The following PTPRD variants were observed in gnomAD, a reference collection of about 807,000 sequenced individuals.
PTPRD encodes receptor-type tyrosine-protein phosphatase delta.
PTPRD carries 34 observed loss-of-function variants against 214.5 expected under a neutral mutation model. The observed-to-expected ratio is 0.16, with a 90% confidence interval of 0.12 to 0.21. PTPRD has a LOEUF of 0.21. PTPRD is among the 10% of genes least tolerant of loss of function. The pLI is 1.00. For missense variants in PTPRD, 2,545 were observed against 2,398.7 expected (o/e 1.06, Z -1.27); for synonymous variants, 1,128 against 845.7 (o/e 1.33, Z -5.79).
In PTPRD at chr9:9,562,195, C is replaced by A. The variant is rs186166416; in HGVS notation, c.-237+12537G>T. Among the ~76,000 whole-genome samples, 4 of 152,166 alleles carry A rather than the reference C, an allele frequency of 2.6e-5. No individual in the cohort carries two copies. In the East Asian group the frequency reaches 7.7e-4, roughly 29 times the overall value. On this transcript the variant is annotated intron_variant, in intron 8 of 45. Transcript: ENST00000381196. ...GGCAGCTCCACAGTTAAGTTCTTAG[C>A]TCTCAAATCCCCAAGCCATCCTTGA...
At chr9:8,637,524 C>T (rs917726914) in intron 12 of PTPRD, among the ~76,000 whole-genome samples, 7 of 152,310 alleles carry the variant, frequency 4.6e-5, no homozygotes, top group African/African-American at 1.7e-4. Context: ...TTAAAGATTA[C>T]TAAGGCTAGC....
At chr9:9,335,449 C>T (rs539989134) in intron 9 of PTPRD, among the ~76,000 whole-genome samples, 49 of 152,152 alleles carry the variant, frequency 3.2e-4, no homozygotes, top group Non-Finnish European at 4.6e-4. Context: ...GTGTTTTTAA[C>T]GGGTAGTGTA....
chr9:8,713,894 G>GA, intron 12 of PTPRD: 1 of 893,442 alleles, frequency 1.1e-6, no homozygotes, highest in Non-Finnish European at 1.7e-6. Flanking sequence ...ACGCCCCGGT[G>GA]GAAAAAAAAA....
intron 9 of PTPRD, among the ~76,000 whole-genome samples, chr9:9,383,751 A>G (rs1408539032): frequency 6.6e-6 from 1 of 152,100 alleles, no homozygotes. Flanking sequence ...CCAAATCTCA[A>G]GTTAATATTT....
intron 11 of PTPRD, among the ~76,000 whole-genome samples, chr9:8,901,385 C>A (rs2154251725): frequency 6.6e-6 from 1 of 152,274 alleles, no homozygotes; most frequent in Non-Finnish European, 1.5e-5. Flanking sequence ...ATATGAATGA[C>A]TAGTCATAAA....
intron 7 of PTPRD, among the ~76,000 whole-genome samples, chr9:9,716,106 TG>T (rs916859537): frequency 2.6e-5 from 4 of 152,224 alleles, no homozygotes; most frequent in African/African-American, 9.6e-5. Flanking sequence ...ATGCGGTGTT[TG>T]GTTTTTTGTT....
intron 8 of PTPRD, among the ~76,000 whole-genome samples, chr9:9,474,725 C>A (rs1013594330): frequency 2.0e-5 from 3 of 151,718 alleles, no homozygotes; most frequent in Non-Finnish European, 2.9e-5. Context: ...ATCTTGATTT[C>A]TTTTTCAAAT....
chr9:10,144,689 T>G (rs1325563097), intron 3 of PTPRD, among the ~76,000 whole-genome samples: 7 of 152,110 alleles, frequency 4.6e-5, no homozygotes, highest in Admixed American at 4.6e-4. Context: ...TGTAAAGACA[T>G]GGGACTAGCT....
At chr9:9,634,529 T>A (rs1344526263) in intron 7 of PTPRD, among the ~76,000 whole-genome samples, 1 of 152,168 alleles carries the variant, frequency 6.6e-6, no homozygotes, top group Non-Finnish European at 1.5e-5. Flanking sequence ...AAAATTCACA[T>A]AATTGTTTCT....
intron 10 of PTPRD, among the ~76,000 whole-genome samples, chr9:9,164,927 C>A (rs566169668): frequency 6.6e-6 from 1 of 151,906 alleles, no homozygotes; most frequent in Non-Finnish European, 1.5e-5. Context: ...GTGGTGCACA[C>A]CTGTAATCCC....
chr9:10,271,545 T>C (rs546106306), intron 3 of PTPRD, among the ~76,000 whole-genome samples: 1 of 142,920 alleles, frequency 7.0e-6, no homozygotes, highest in Non-Finnish European at 1.5e-5. Context: ...TTTTCTTTTC[T>C]TTTCTTTTTT....
chr9:10,416,631 G>A (rs1377554016), intron 2 of PTPRD, among the ~76,000 whole-genome samples: 1 of 151,846 alleles, frequency 6.6e-6, no homozygotes, highest in African/African-American at 2.4e-5. Flanking sequence ...GAAAACAACT[G>A]TTGGTATGGC....
chr9:9,101,559 C>A (rs1306414063), intron 10 of PTPRD, among the ~76,000 whole-genome samples: 1 of 152,116 alleles, frequency 6.6e-6, no homozygotes, highest in Non-Finnish European at 1.5e-5. Context: ...TCATGACTGA[C>A]ATTTACAAAA....
intron 5 of PTPRD, among the ~76,000 whole-genome samples, chr9:9,882,294 G>T (rs1467573101): frequency 6.6e-6 from 1 of 151,968 alleles, no homozygotes; most frequent in African/African-American, 2.4e-5. Flanking sequence ...GGTTCACTAA[G>T]CACTGAGTTG....
intron 9 of PTPRD, among the ~76,000 whole-genome samples, chr9:9,396,946 T>A (rs2068077400): frequency 6.6e-6 from 1 of 152,030 alleles, no homozygotes; most frequent in Non-Finnish European, 1.5e-5. Flanking sequence ...TTAACTATAT[T>A]GTTCCAAGTT....
At chr9:8,456,520 A>T (rs1209516058) in intron 33 of PTPRD, among the ~76,000 whole-genome samples, 1 of 152,198 alleles carries the variant, frequency 6.6e-6, no homozygotes, top group African/African-American at 2.4e-5. Flanking sequence ...AGAGTCAACC[A>T]GCAGCTTCCA....
chr9:8,594,008 T>C (rs2094311341), intron 14 of PTPRD, among the ~76,000 whole-genome samples: 1 of 152,310 alleles, frequency 6.6e-6, no homozygotes, highest in South Asian at 2.1e-4. Context: ...ACTACTGATA[T>C]GAGTGATAGG....
At position 8,436,604 on chromosome 9, in the gene PTPRD, G is replaced by C; in HGVS notation, c.4074C>G (p.Ser1358=). The C allele has an allele frequency of 6.2e-7, 1 of 1,611,528 alleles. No individual in the cohort carries two copies. Among genetic ancestry groups the C allele is most frequent in the Non-Finnish European group, 8.5e-7 (1 of 1,178,080 alleles). Residue 1358 remains serine, a synonymous_variant, in exon 35 of 46, where the codon TCC becomes TCG. Coordinates refer to ENST00000381196, the MANE Select transcript of PTPRD (RefSeq NM_002839.4). ...RLKANDNLKF[S]QEYESIDPGQ... is the part of the protein sequence containing the mutation. ...CACAGTGAATTACCTCATATTCCTG[G>C]GAAAACTTCAAGTTGTCATTTGCTT...
rs1413041664 is a variant in PTPRD, at chr9:8,500,802, C to T, written c.2080G>A (p.Gly694Ser). 10 of 1,613,978 alleles carry T rather than the reference C, an allele frequency of 6.2e-6. No individual in the cohort carries two copies. The highest frequency in any genetic ancestry group is 1.7e-5 in the Admixed American group (1 of 59,992). ...RITVTAHTDVGPGPESLSVLI... is the reference protein window; with the variant it reads ...RITVTAHTDVSPGPESLSVLI... ...ACGGACAAGCTCTCAGGGCCAGGGC[C>T]GACATCTGTATGGGCTGTCACAGTG... The change falls in exon 24 of 46, where the codon GGC (glycine) becomes AGC (serine). Residue 694 changes from glycine (G) to serine (S), a missense_variant. Coordinates refer to ENST00000381196, the MANE Select transcript of PTPRD (RefSeq NM_002839.4).
Sources: allele counts gnomAD v4.1 joint callset (sites outside exome capture counted in the v4.1 genomes callset), GRCh38; gene constraint gnomAD v4.1.1; transcripts MANE v1.5; gene names NCBI Gene and HGNC (gene_info 2026-07-23, HGNC 2026-07-21).